Variants in SEMA5A observed in about 807,000 individuals in gnomAD.
SEMA5A encodes the protein semaphorin 5A.
SEMA5A carries 55 observed loss-of-function variants against 135.5 expected under a neutral mutation model. The observed-to-expected ratio is 0.41, with a 90% confidence interval of 0.33 to 0.51. The LOEUF (loss-of-function observed/expected upper bound fraction) is 0.51, where lower values mean the gene tolerates loss of function less well. Among genes scored for constraint, SEMA5A ranks in the 20% least tolerant of loss-of-function variants. The probability of loss-of-function intolerance (pLI) is 0.37; values close to 1 mark genes in which losing one functional copy is unlikely to be tolerated. For synonymous variants in SEMA5A, 580 were observed against 546.5 expected, an observed-to-expected ratio of 1.06 and a Z score of -0.85; for missense variants, 1,290 against 1,419.9, an observed-to-expected ratio of 0.91 and a Z score of 1.47.
chr5:9,164,626 A>G (rs367749013), intron 11 of SEMA5A, among the ~76,000 whole-genome samples: 117 of 152,242 alleles, frequency 7.7e-4, no homozygotes, highest in African/African-American at 2.6e-3. Context: ...ACATTTTGCA[A>G]AATTAATGCA....
At chr5:9,452,708 A>T (rs1758690908) in intron 1 of SEMA5A, among the ~76,000 whole-genome samples, 1 of 152,214 alleles carries the variant, frequency 6.6e-6, no homozygotes, top group African/African-American at 2.4e-5. Flanking sequence ...TGCAGGTCTA[A>T]ATTATATAAT....
At chr5:9,148,439 C>A (rs966440577) in intron 12 of SEMA5A, among the ~76,000 whole-genome samples, 6 of 152,106 alleles carry the variant, frequency 3.9e-5, no homozygotes, top group Admixed American at 2.0e-4. Flanking sequence ...CACAAGTGAC[C>A]TAAGCTTTGG....
At chr5:9,375,738 A>G (rs1221028303) in intron 3 of SEMA5A, among the ~76,000 whole-genome samples, 1 of 151,538 alleles carries the variant, frequency 6.6e-6, no homozygotes, top group Non-Finnish European at 1.5e-5. Context: ...AGACCAGGAC[A>G]AGTGTGTCAC....
chr5:9,419,866 A>G (rs1307205463), intron 2 of SEMA5A, among the ~76,000 whole-genome samples: 1 of 152,178 alleles, frequency 6.6e-6, no homozygotes. Context: ...AGGGCAAATT[A>G]AGAACAACTT....
intron 1 of SEMA5A, among the ~76,000 whole-genome samples, chr5:9,540,095 T>C (rs1188540401): frequency 6.6e-6 from 1 of 152,242 alleles, no homozygotes; most frequent in Non-Finnish European, 1.5e-5. Flanking sequence ...GTCTATACTA[T>C]ATACATAGTC....
At chr5:9,074,569 G>A (rs921492994) in intron 16 of SEMA5A, among the ~76,000 whole-genome samples, 1 of 152,144 alleles carries the variant, frequency 6.6e-6, no homozygotes, top group Non-Finnish European at 1.5e-5. Context: ...TATAGTCTGA[G>A]AGAAAGTATT....
chr5:9,327,726 T>C (rs966171156), intron 4 of SEMA5A, among the ~76,000 whole-genome samples: 3 of 152,220 alleles, frequency 2.0e-5, no homozygotes, highest in African/African-American at 7.2e-5. Context: ...ATATTGTTAA[T>C]AATTACACTA....
intron 5 of SEMA5A, among the ~76,000 whole-genome samples, chr5:9,273,277 A>T (rs1244163119): frequency 1.3e-5 from 2 of 152,162 alleles, no homozygotes; most frequent in African/African-American, 4.8e-5. Flanking sequence ...AGGTGAAGAC[A>T]AGATTAGAGA....
intron 1 of SEMA5A, among the ~76,000 whole-genome samples, chr5:9,444,398 T>A (rs1019740796): frequency 4.6e-5 from 7 of 152,180 alleles, no homozygotes; most frequent in African/African-American, 1.7e-4. Flanking sequence ...TGCCTTTTCA[T>A]CCTCATAACT....
At chr5:9,353,100 A>AAGGAAAGGAAAG (rs199741424) in intron 3 of SEMA5A, among the ~76,000 whole-genome samples, 303 of 14,024 alleles carry the variant, frequency 0.022, 52 homozygotes, top group Admixed American at 0.072. Flanking sequence ...AAAGGAAGGA[A>AAGGAAAGGAAAG]GGAAAGGAAA....
intron 6 of SEMA5A, among the ~76,000 whole-genome samples, chr5:9,229,963 G>A (rs1275082698): frequency 2.6e-5 from 4 of 151,954 alleles, no homozygotes; most frequent in African/African-American, 9.7e-5. Context: ...GTGCAAATAA[G>A]ACTGTAGGTT....
chr5:9,479,989 T>A (rs1041798995), intron 1 of SEMA5A, among the ~76,000 whole-genome samples: 3 of 152,114 alleles, frequency 2.0e-5, no homozygotes, highest in Non-Finnish European at 4.4e-5. Flanking sequence ...ATAAATGTTC[T>A]TTTTTTTCTC....
At chr5:9,271,984 C>T (rs1430824888) in intron 5 of SEMA5A, among the ~76,000 whole-genome samples, 1 of 152,074 alleles carries the variant, frequency 6.6e-6, no homozygotes, top group Admixed American at 6.5e-5. Flanking sequence ...TTTTCATACC[C>T]CAGTGGCACC....
At chr5:9,070,745 G>T (rs989895361) in intron 16 of SEMA5A, among the ~76,000 whole-genome samples, 1 of 152,110 alleles carries the variant, frequency 6.6e-6, no homozygotes, top group Non-Finnish European at 1.5e-5. Flanking sequence ...TTTTCTCATG[G>T]TTCAAAATTT....
intron 8 of SEMA5A, among the ~76,000 whole-genome samples, chr5:9,207,135 A>ATATATATATATATAT (rs1579614392): frequency 1.9e-5 from 1 of 51,766 alleles, no homozygotes; most frequent in Non-Finnish European, 4.4e-5. Context: ...TATATATATA[A>ATATATATATATATAT]AGCTTAAAGG....
chr5:9,132,532 C>G (rs191454406), intron 13 of SEMA5A, among the ~76,000 whole-genome samples: 134 of 152,298 alleles, frequency 8.8e-4, no homozygotes, highest in Non-Finnish European at 1.7e-3. Flanking sequence ...GACTTACCAG[C>G]CTTCAAGACG....
intron 13 of SEMA5A, among the ~76,000 whole-genome samples, chr5:9,130,813 T>C (rs1332802936): frequency 6.6e-6 from 1 of 152,190 alleles, no homozygotes; most frequent in Non-Finnish European, 1.5e-5. Context: ...GGAAAGACGT[T>C]GAGAGCTTAG....
intron 13 of SEMA5A, among the ~76,000 whole-genome samples, chr5:9,126,587 G>C (rs1039575668): frequency 6.6e-6 from 1 of 151,638 alleles, no homozygotes; most frequent in Admixed American, 6.6e-5. Flanking sequence ...ATTATTACAG[G>C]GCCAGGCAAG....
At chr5:9,175,766 T>C (rs1744170045) in intron 11 of SEMA5A, among the ~76,000 whole-genome samples, 1 of 152,222 alleles carries the variant, frequency 6.6e-6, no homozygotes, top group African/African-American at 2.4e-5. Context: ...TCCCTTTAAA[T>C]AGGAACAGCC....
Sources: gnomAD v4.1 joint callset for allele counts (sites outside exome capture counted in the v4.1 genomes callset) on GRCh38, gnomAD v4.1.1 for gene constraint, MANE v1.5 for transcripts, NCBI Gene and HGNC (gene_info 2026-07-23, HGNC 2026-07-21) for gene names.